The following DLG5 variants were observed in gnomAD, a reference collection of about 807,000 sequenced individuals.
The protein encoded by DLG5 is discs large MAGUK scaffold protein 5.
In DLG5, 48 loss-of-function variants were observed where a neutral mutation model predicts 189.8. The observed-to-expected ratio is 0.25, with a 90% CI of 0.20 to 0.32. The LOEUF is 0.32. Ranked by LOEUF, DLG5 falls within the 10% of genes least tolerant of loss-of-function variation. The pLI, the probability that DLG5 is intolerant of heterozygous loss-of-function variation, is 1.00. For missense variants in DLG5, 2,160 were observed against 2,544.7 expected (o/e 0.85, Z 3.25); for synonymous variants, 1,016 against 1,054.1 (o/e 0.96, Z 0.70).
Position 77,926,149 on chromosome 10 carries a change from C to T in DLG5, c.304+68G>A. 1 of 1,293,230 alleles carries T rather than the reference C, an allele frequency of 7.7e-7. No homozygotes were observed. The highest frequency in any genetic ancestry group is 2.6e-5 in the South Asian group (1 of 38,886). The allele number at this position is 1,293,230 out of a possible 1,614,324, so 80.1% of individuals were successfully genotyped here. A position where few individuals can be genotyped will look rare whatever the true frequency, so the allele number is the denominator to read the frequency against. ...TGGAGCGGCGGCCCCGGCGAGGTAC[C>T]CTCGGCCAGCAGGAGGGAGAAGCGG... On this transcript the variant is annotated intron_variant, in intron 1 of 31. Transcript: ENST00000372391. This position sits in a 1 kb window ranked among gnomAD's most constrained non-coding sequence, Gnocchi z 5.2.
chr10:77,828,875 G>C lies in DLG5; in HGVS notation c.2289+7C>G. The C allele has an allele frequency of 1.2e-6, 2 of 1,613,890 alleles. No individual in the cohort carries two copies. The highest frequency in any genetic ancestry group is 1.7e-6 in the Non-Finnish European group (2 of 1,179,908). On this transcript the variant is annotated splice_region_variant and intron_variant, in intron 13 of 31. Coordinates refer to ENST00000372391, the MANE Select transcript of DLG5 (RefSeq NM_004747.4). ...CAGATGACCCTGGCTCCAGCCTTGA[G>C]ACTTACCGCAACGATCCTGTCTCCC...
At position 77,841,937 on chromosome 10, in the gene DLG5, T is replaced by C; in HGVS notation, c.1381A>G (p.Lys461Glu). Reference sequence around the variant, plus strand: ...GCCTTCTTCTCAGATGTGCTGCTCTTGAGCTTGGACTCGGCCAGCTCCACT... The same window carrying C: ...GCCTTCTTCTCAGATGTGCTGCTCTCGAGCTTGGACTCGGCCAGCTCCACT... The part of the protein sequence containing the change: ...TEVELAESKL[K>E]SSTSEKKAAN... The change falls in exon 7 of 32, where the codon AAG becomes GAG. Residue 461 changes from lysine (K) to glutamate (E), a missense_variant. By Grantham distance (56) the Lys-to-Glu change is moderately conservative. Coordinates refer to ENST00000372391, the MANE Select transcript of DLG5 (RefSeq NM_004747.4). The C allele has an allele frequency of 6.2e-7, 1 of 1,614,034 alleles. No homozygotes were observed. The highest frequency in any genetic ancestry group is 8.5e-7 in the Non-Finnish European group (1 of 1,179,980).
Position 77,807,060 on chromosome 10 carries a change from C to T in DLG5, c.4797-132G>A, listed in dbSNP as rs530230030. On this transcript the variant is annotated intron_variant, in intron 25 of 31. Transcript: ENST00000372391. ...GTCTCCAAACTTGATCAGGAATCGC[C>T]GAGGGTGGTGATTCTCAAAGTGGGG... The T allele has an allele frequency of 3.7e-4, 375 of 1,001,666 alleles. 1 individual carries two copies. The South Asian group carries it at 5.8e-3, about 15-fold the overall frequency. The allele number at this position is 1,001,666 out of a possible 1,614,324, so 62.0% of individuals were successfully genotyped here. A position where few individuals can be genotyped will look rare whatever the true frequency, so the allele number is the denominator to read the frequency against.
At chr10:77,934,331 A>G in the DLG5 span, among the ~76,000 whole-genome samples, 6 of 138,108 alleles carry the variant, frequency 4.3e-5, no homozygotes, top group Non-Finnish European at 6.1e-5. Context: ...AGATCACGCC[A>G]TTGTTCTCCA....
chr10:77,808,089 ACTGAGT>A, intron 24 of DLG5, 145 bp from the exon 25 acceptor site: 1 of 1,009,800 alleles, frequency 9.9e-7, no homozygotes, highest in South Asian at 1.7e-5. Context: ...TGCAGGAAGG[ACTGAGT>A]CTTCATGGTC....
At chr10:77,919,094 T>C (rs1429276523) in intron 1 of DLG5, among the ~76,000 whole-genome samples, 1 of 152,156 alleles carries the variant, frequency 6.6e-6, no homozygotes, top group Admixed American at 6.5e-5. Context: ...CACACACCTG[T>C]AATCCCAGCC....
At chr10:77,886,861 CAGA>C (rs1256798125) in intron 1 of DLG5, among the ~76,000 whole-genome samples, 1 of 152,134 alleles carries the variant, frequency 6.6e-6, no homozygotes, top group Non-Finnish European at 1.5e-5. Flanking sequence ...CAGACATGCA[CAGA>C]AGGAGAACTG....
In DLG5 at chr10:77,821,348, T is replaced by A. The variant is rs1842343612; in HGVS notation, c.3136A>T (p.Ser1046Cys). The A allele has an allele frequency of 6.2e-7, 1 of 1,612,958 alleles. No homozygotes were observed. The highest frequency in any genetic ancestry group is 2.2e-5 in the East Asian group (1 of 44,862). Reference sequence around the variant, plus strand: ...TCAGGGGGCAGGGCGCTCGGGGGACTAGTGGATGGGGAGCTGCCCACCAGA... The same window carrying A: ...TCAGGGGGCAGGGCGCTCGGGGGACAAGTGGATGGGGAGCTGCCCACCAGA... ...ATLVGSSPST[S>C]PPSALPPDVD... Residue 1046 changes from serine (S) to cysteine (C), a missense_variant, in exon 15 of 32, where the codon AGT becomes TGT. By Grantham distance (112) the Ser-to-Cys change is moderately radical (BLOSUM62 -1). This residue lies in a region of DLG5 where 754 missense variants were observed against 746.5 expected (regional missense o/e 1.01). Transcript: ENST00000372391.
rs1385923739 is a variant in DLG5 at position 77,829,494 on chromosome 10, G to A, written c.2046C>T (p.Asp682=). 6.2e-7 allele frequency: 1 copy of A among 1,612,822 alleles called. No individual in the cohort carries two copies. Among genetic ancestry groups the A allele is most frequent in the Non-Finnish European group, 8.5e-7 (1 of 1,179,268 alleles). ...NDWLLRINDV[D]LINKDKKQAI... is the part of the protein sequence containing the mutation. ...CCTGCTTCTTGTCCTTGTTGATGAG[G>A]TCCACATCGTTGATTCTCAGCAGCC... The change falls in exon 12 of 32, where the codon GAC becomes GAT. Residue 682 remains aspartate (D), a synonymous_variant. Transcript: ENST00000372391.
intron 8 of DLG5, among the ~76,000 whole-genome samples, chr10:77,835,262 C>G (rs1372175544): frequency 1.3e-5 from 2 of 152,114 alleles, no homozygotes; most frequent in Non-Finnish European, 2.9e-5. Flanking sequence ...TCCCCACACC[C>G]CAGGGAGCCC....
chr10:77,843,523 T>C lies in DLG5; in HGVS notation c.1048A>G (p.Lys350Glu). 6.2e-7 allele frequency: 1 copy of C among 1,614,156 alleles called. No individual in the cohort carries two copies. The highest frequency in any genetic ancestry group is 8.5e-7 in the Non-Finnish European group (1 of 1,180,032). ...TGCTGGGTCAGCATCTCTGTCTGCT[T>C]CAGCAACCGCTGGTTCTCCTCCCCC... ...QLGEENQRLL[K>E]QTEMLTQQRD... The change falls in exon 6 of 32, where the codon AAG becomes GAG. Residue 350 changes from lysine (K) to glutamate (E), a missense_variant. Lys to Glu is a moderately conservative substitution (Grantham distance 56). Coordinates refer to ENST00000372391, the MANE Select transcript of DLG5 (RefSeq NM_004747.4).
At position 77,829,347 on chromosome 10, in the gene DLG5, C is replaced by A; in HGVS notation, c.2185+8G>T. Reference sequence around the variant, plus strand: ...TGAGGCACTCTGCCATGTTCACAGGCCCGCTACCTTTCTGTCCACTGAGGT... The same window carrying A: ...TGAGGCACTCTGCCATGTTCACAGGACCGCTACCTTTCTGTCCACTGAGGT... On this transcript the variant is annotated splice_region_variant and intron_variant, in intron 12 of 31. Transcript: ENST00000372391. The A allele has an allele frequency of 1.2e-6, 2 of 1,613,380 alleles. No homozygotes were observed. The highest frequency in any genetic ancestry group is 1.7e-6 in the Non-Finnish European group (2 of 1,180,024).
At chr10:77,889,396 C>T (rs554619483) in intron 1 of DLG5, 1 of 152,674 alleles carries the variant, frequency 6.5e-6, no homozygotes, top group East Asian at 1.9e-4. Context: ...TGGGTGCAGC[C>T]TTCCCCAAAA....
intron 2 of DLG5, among the ~76,000 whole-genome samples, chr10:77,863,722 A>G (rs1194313569): frequency 6.6e-6 from 1 of 152,166 alleles, no homozygotes; most frequent in Non-Finnish European, 1.5e-5. Flanking sequence ...AAGGAGGCAG[A>G]TTGTCCTTTT....
Position 77,893,453 on chromosome 10 carries a change from G to A in DLG5, c.305-24256C>T, listed in dbSNP as rs552094690. 2.1e-4 allele frequency among the ~76,000 whole-genome samples: 32 copies of A among 152,342 alleles called. 1 individual carries two copies. Among genetic ancestry groups the A allele is most frequent in the Admixed American group, 1.7e-3 (26 of 15,308 alleles). ...ACTTTACTGAAGAGAAAACAAGGTC[G>A]AGAGAGGCCATCGATAGTGTCTGTC... On this transcript the variant is annotated intron_variant, in intron 1 of 31. Coordinates refer to ENST00000372391, the MANE Select transcript of DLG5 (RefSeq NM_004747.4).
At position 77,856,622 on chromosome 10, in the gene DLG5, C is replaced by T. The variant is rs1012130947; in HGVS notation, c.536+108G>A. 37 of 1,419,604 alleles carry T rather than the reference C, an allele frequency of 2.6e-5. No individual in the cohort carries two copies. In the South Asian group the frequency reaches 2.6e-4, roughly 10 times the overall value. The allele number at this position is 1,419,604 out of a possible 1,614,324, so 87.9% of individuals were successfully genotyped here. ...TGGGGGAAAGGGGACACTCAGGCAG[C>T]GCAGCCTGGACCCCCAGGAGCCAGG... On this transcript the variant is annotated intron_variant, in intron 3 of 31. Transcript: ENST00000372391.
chr10:77,925,999 C>T (rs1348008788), intron 1 of DLG5, among the ~76,000 whole-genome samples: 1 of 152,204 alleles, frequency 6.6e-6, no homozygotes, highest in East Asian at 1.9e-4. Flanking sequence ...GAGTGAAGGC[C>T]TTCAGCGGGG....
chr10:77,858,756 G>T (rs1209782983), intron 2 of DLG5, among the ~76,000 whole-genome samples: 3 of 151,942 alleles, frequency 2.0e-5, no homozygotes, highest in Non-Finnish European at 4.4e-5. Context: ...TTGTGTCTTA[G>T]TTTTTAACAA....
At chr10:77,856,633 C>A (rs998655730) in intron 3 of DLG5, 97 bp downstream of exon 3, 9 of 1,468,660 alleles carry the variant, frequency 6.1e-6, no homozygotes, top group East Asian at 4.6e-5. Flanking sequence ...GCAGCCTGGA[C>A]CCCCAGGAGC....
Sources: gnomAD v4.1 joint callset for allele counts (sites outside exome capture counted in the v4.1 genomes callset) on GRCh38, gnomAD v4.1.1 for gene constraint, gnomAD v4.1.1 regional missense constraint, Gnocchi (gnomAD v3.1) non-coding constraint, MANE v1.5 for transcripts, NCBI Gene and HGNC (gene_info 2026-07-23, HGNC 2026-07-21) for gene names.